PRKAR1B: variants seen among roughly 807,000 people sequenced by gnomAD.
The protein encoded by PRKAR1B is cAMP-dependent protein kinase type I-beta regulatory subunit.
Under a neutral mutation model 46.5 loss-of-function variants are expected in PRKAR1B, and 22 were observed. That is an observed-to-expected ratio of 0.47 (90% CI 0.34 to 0.68). PRKAR1B has a LOEUF of 0.68. Ranked by LOEUF, PRKAR1B falls within the 30% of genes least tolerant of loss-of-function variation. The pLI is 0.01. For synonymous variants in PRKAR1B, 259 were observed against 217.7 expected (o/e 1.19, Z -1.67); for missense variants, 445 against 535.6 (o/e 0.83, Z 1.67).
chr7:561,669 C>T (rs1778806277), intron 9 of PRKAR1B, among the ~76,000 whole-genome samples: 1 of 152,098 alleles, frequency 6.6e-6, no homozygotes, highest in African/African-American at 2.4e-5. Context: ...GGGCTGCAAA[C>T]TGTCCTCGGG....
chr7:553,023 G>A (rs904382146), intron 9 of PRKAR1B, among the ~76,000 whole-genome samples: 1 of 152,254 alleles, frequency 6.6e-6, no homozygotes, highest in Non-Finnish European at 1.5e-5. Flanking sequence ...GCCTGCGGAC[G>A]GCGGGGCTGG....
At chr7:658,839 C>T (rs1785347016) in intron 4 of PRKAR1B, among the ~76,000 whole-genome samples, 1 of 152,028 alleles carries the variant, frequency 6.6e-6, no homozygotes, top group Admixed American at 6.6e-5. Context: ...TTAGTAGAGA[C>T]AGGGTTTTGT....
intron 2 of PRKAR1B, among the ~76,000 whole-genome samples, chr7:695,494 C>A (rs537864512): frequency 6.6e-6 from 1 of 152,122 alleles, no homozygotes; most frequent in Non-Finnish European, 1.5e-5. Flanking sequence ...ATCTGAATTA[C>A]GATGACCTCG....
At chr7:700,925 C>T (rs913993415) in intron 2 of PRKAR1B, among the ~76,000 whole-genome samples, 3 of 152,130 alleles carry the variant, frequency 2.0e-5, no homozygotes, top group African/African-American at 4.8e-5. Flanking sequence ...TCGTGGCTCA[C>T]GCCTGTAATC....
At chr7:697,602 C>T (rs1779811491) in intron 2 of PRKAR1B, among the ~76,000 whole-genome samples, 1 of 152,138 alleles carries the variant, frequency 6.6e-6, no homozygotes, top group African/African-American at 2.4e-5. Flanking sequence ...AAATCTCAAG[C>T]GCCAGTTGTA....
intron 2 of PRKAR1B, among the ~76,000 whole-genome samples, chr7:687,270 A>C (rs1779142712): frequency 6.6e-6 from 1 of 152,266 alleles, no homozygotes; most frequent in Non-Finnish European, 1.5e-5. Context: ...CCCTCAGGGG[A>C]TGCAGATCAT....
At position 662,370 on chromosome 7, in the gene PRKAR1B, G is replaced by A. The variant is rs373888872; in HGVS notation, c.440+14859C>T. Among the ~76,000 whole-genome samples the A allele has an allele frequency of 8.5e-3, 587 of 69,318 alleles. 2 individuals are homozygous for A. The highest frequency in any genetic ancestry group is 0.012 in the Non-Finnish European group (419 of 35,742). The allele number at this position is 69,318 out of a possible 152,430, so 45.5% of individuals were successfully genotyped here. ...ATGGCACAGGTCCCCACCCCAACGG[G>A]TCCAAATACCTACTCTTCCCTCCAT... On this transcript the variant is annotated intron_variant, in intron 4 of 10. Transcript: ENST00000537384.
intron 9 of PRKAR1B, among the ~76,000 whole-genome samples, chr7:569,442 A>G (rs1024787656): frequency 1.3e-5 from 2 of 152,232 alleles, no homozygotes; most frequent in Admixed American, 6.5e-5. Context: ...CCGGCCCCCA[A>G]GCTGCTGGGC....
Position 600,386 on chromosome 7 carries a change from T to A in PRKAR1B, c.550-4082A>T, listed in dbSNP as rs567632403. ...TGGACGTGGTGGTGCACAGTGGTAG[T>A]CCCAGCTTCTCGGGAGGATCGCTTG... On this transcript the variant is annotated intron_variant, in intron 6 of 10. Transcript: ENST00000537384. 2.6e-5 allele frequency among the ~76,000 whole-genome samples: 4 copies of A among 152,102 alleles called. No individual in the cohort carries two copies. The East Asian group carries it at 5.8e-4, about 22-fold the overall frequency.
At chr7:583,420 A>ACACACC (rs1562537030) in intron 8 of PRKAR1B, among the ~76,000 whole-genome samples, 601 of 56,658 alleles carry the variant, frequency 0.011, 4 homozygotes, top group African/African-American at 0.045. Flanking sequence ...ACACCCACGC[A>ACACACC]CACACGCACA....
chr7:642,285 G>A (rs1311607213), intron 4 of PRKAR1B, among the ~76,000 whole-genome samples: 1 of 152,156 alleles, frequency 6.6e-6, no homozygotes, highest in Non-Finnish European at 1.5e-5. Context: ...CAGGCACAAG[G>A]GAACTTTCTG....
intron 6 of PRKAR1B, among the ~76,000 whole-genome samples, chr7:604,741 CAG>C (rs895173775): frequency 2.4e-4 from 36 of 152,320 alleles, no homozygotes; most frequent in African/African-American, 8.2e-4. Flanking sequence ...GTGGCCGGGA[CAG>C]AGGCACAGCC....
intron 7 of PRKAR1B, among the ~76,000 whole-genome samples, chr7:585,657 G>A (rs939716061): frequency 2.0e-5 from 3 of 152,056 alleles, no homozygotes; most frequent in Non-Finnish European, 4.4e-5. Context: ...CAGGGAGGGG[G>A]GCTCTTGGAC....
intron 9 of PRKAR1B, among the ~76,000 whole-genome samples, chr7:561,339 GCT>G (rs1778785633): frequency 6.6e-6 from 1 of 152,160 alleles, no homozygotes; most frequent in Non-Finnish European, 1.5e-5. Flanking sequence ...ACTCCCAGGT[GCT>G]CTGTGATTTC....
At chr7:556,733 C>T (rs1431213743) in intron 9 of PRKAR1B, among the ~76,000 whole-genome samples, 3 of 152,140 alleles carry the variant, frequency 2.0e-5, no homozygotes, top group Admixed American at 6.5e-5. Flanking sequence ...TCCGGCACGT[C>T]GACCCTCCAC....
At chr7:581,223 A>C in intron 8 of PRKAR1B, among the ~76,000 whole-genome samples, 1 of 151,706 alleles carries the variant, frequency 6.6e-6, no homozygotes, top group South Asian at 2.1e-4. Context: ...GAATGGCGTG[A>C]ACCCGGGAGG....
At chr7:720,363 T>G (rs559427363) in intron 1 of PRKAR1B, among the ~76,000 whole-genome samples, 3 of 152,312 alleles carry the variant, frequency 2.0e-5, no homozygotes, top group Admixed American at 6.5e-5. Flanking sequence ...CAGCCCTCTG[T>G]GCAAGTCTTC....
At chr7:642,117 A>T (rs1470065839) in intron 4 of PRKAR1B, among the ~76,000 whole-genome samples, 1 of 151,982 alleles carries the variant, frequency 6.6e-6, no homozygotes, top group Non-Finnish European at 1.5e-5. Context: ...GCTGGTCTTG[A>T]ACTCCTGAGC....
In PRKAR1B at chr7:636,448, G is replaced by A. The variant is rs531666469; in HGVS notation, c.441-28996C>T. On this transcript the variant is annotated intron_variant, in intron 4 of 10. Transcript: ENST00000537384. Reference sequence around the variant, plus strand: ...CGTCCTCCACCGGCCGCGCCCTCACGTCCTCCACCGGACTGTGCCCACTGT... The same window carrying A: ...CGTCCTCCACCGGCCGCGCCCTCACATCCTCCACCGGACTGTGCCCACTGT... 1.9e-4 allele frequency among the ~76,000 whole-genome samples: 29 copies of A among 149,726 alleles called. 1 individual carries two copies. The highest frequency in any genetic ancestry group is 7.0e-4 in the African/African-American group (28 of 40,066).
Sources: gnomAD v4.1 joint callset for allele counts (sites outside exome capture counted in the v4.1 genomes callset) on GRCh38, gnomAD v4.1.1 for gene constraint, MANE v1.5 for transcripts, NCBI Gene and HGNC (gene_info 2026-07-23, HGNC 2026-07-21) for gene names.